The following NELL1 variants were observed in gnomAD, a reference collection of about 807,000 sequenced individuals.
NELL1 encodes protein kinase C-binding protein NELL1.
Under a neutral mutation model 107.4 loss-of-function variants are expected in NELL1, and 76 were observed. The observed-to-expected ratio is 0.71, with a 90% CI of 0.59 to 0.86. NELL1 has a LOEUF of 0.86. NELL1 is among the 40% of genes least tolerant of loss of function. The pLI is 0.00. For synonymous variants in NELL1, 353 were observed against 341.2 expected, an observed-to-expected ratio of 1.03 and a Z score of -0.38; for missense variants, 1,024 against 1,005.5, an observed-to-expected ratio of 1.02 and a Z score of -0.25.
intron 12 of NELL1, among the ~76,000 whole-genome samples, chr11:21,103,761 C>T (rs1200098311): frequency 2.6e-5 from 4 of 152,156 alleles, no homozygotes; most frequent in Non-Finnish European, 5.9e-5. Context: ...GAAAGACCAT[C>T]AATGTTTTAT....
At chr11:21,481,983 G>A (rs1217633508) in intron 15 of NELL1, among the ~76,000 whole-genome samples, 1 of 152,114 alleles carries the variant, frequency 6.6e-6, no homozygotes, top group East Asian at 1.9e-4. Flanking sequence ...CTAGATGGGT[G>A]ACCTTGAGCA....
chr11:20,902,406 TA>T (rs1183871572), intron 5 of NELL1, among the ~76,000 whole-genome samples: 3 of 152,014 alleles, frequency 2.0e-5, no homozygotes, highest in Non-Finnish European at 4.4e-5. Flanking sequence ...AAATGCAAAT[TA>T]AAACCATTAT....
At chr11:21,025,803 A>T (rs747905928) in intron 12 of NELL1, among the ~76,000 whole-genome samples, 1 of 152,138 alleles carries the variant, frequency 6.6e-6, no homozygotes, top group Non-Finnish European at 1.5e-5. Context: ...GCAAAATTTA[A>T]CATGTCCCAA....
intron 2 of NELL1, among the ~76,000 whole-genome samples, chr11:20,752,617 T>C (rs1856167248): frequency 6.6e-6 from 1 of 152,206 alleles, no homozygotes; most frequent in African/African-American, 2.4e-5. Flanking sequence ...TTTTTGCATC[T>C]GTTGAGAAAA....
chr11:20,839,695 T>C (rs1259472509), intron 3 of NELL1, among the ~76,000 whole-genome samples: 2 of 152,202 alleles, frequency 1.3e-5, no homozygotes, highest in Non-Finnish European at 2.9e-5. Flanking sequence ...CATTCACACA[T>C]GGATTGAATG....
intron 15 of NELL1, among the ~76,000 whole-genome samples, chr11:21,393,078 T>C (rs1003177242): frequency 6.6e-6 from 1 of 151,628 alleles, no homozygotes; most frequent in Non-Finnish European, 1.5e-5. Context: ...GAGCTTTCAA[T>C]GGTTTAAAAT....
intron 5 of NELL1, among the ~76,000 whole-genome samples, chr11:20,890,870 G>A (rs1247014644): frequency 2.0e-5 from 3 of 152,096 alleles, no homozygotes; most frequent in African/African-American, 4.8e-5. Context: ...TAAAAAGACC[G>A]AACCTACCAT....
intron 15 of NELL1, among the ~76,000 whole-genome samples, chr11:21,531,728 G>A (rs150860986): frequency 2.0e-5 from 3 of 152,326 alleles, no homozygotes; most frequent in African/African-American, 7.2e-5. Flanking sequence ...AGTTGATTCT[G>A]TAGTGAACTT....
intron 15 of NELL1, among the ~76,000 whole-genome samples, chr11:21,511,619 T>C (rs2133944947): frequency 6.6e-6 from 1 of 152,202 alleles, no homozygotes; most frequent in African/African-American, 2.4e-5. Context: ...TCAAAAATGG[T>C]GGTCAAAGAA....
chr11:21,420,376 A>C (rs753257864), intron 15 of NELL1, among the ~76,000 whole-genome samples: 1 of 152,182 alleles, frequency 6.6e-6, no homozygotes, highest in Non-Finnish European at 1.5e-5. Context: ...ATAGTAAAGG[A>C]GTTGTAAAAA....
At chr11:21,246,149 T>C (rs1858485639) in intron 14 of NELL1, among the ~76,000 whole-genome samples, 1 of 152,170 alleles carries the variant, frequency 6.6e-6, no homozygotes, top group Non-Finnish European at 1.5e-5. Context: ...TGTCAGGCAC[T>C]GGGCTAAGAA....
At chr11:21,187,539 C>T (rs1005763340) in intron 13 of NELL1, among the ~76,000 whole-genome samples, 18 of 151,888 alleles carry the variant, frequency 1.2e-4, no homozygotes, top group African/African-American at 4.1e-4. Context: ...TAATACCTCC[C>T]TTTCAAATTT....
At chr11:20,887,129 T>C (rs1849525293) in intron 5 of NELL1, among the ~76,000 whole-genome samples, 1 of 152,230 alleles carries the variant, frequency 6.6e-6, no homozygotes, top group Non-Finnish European at 1.5e-5. Flanking sequence ...CATAAGTTTC[T>C]ATGTTGAGAT....
intron 14 of NELL1, among the ~76,000 whole-genome samples, chr11:21,240,022 A>G (rs1361135098): frequency 1.3e-5 from 2 of 152,062 alleles, no homozygotes; most frequent in Admixed American, 6.6e-5. Context: ...ACCAATCTTC[A>G]TCATGCTTGC....
chr11:21,521,688 T>C (rs1361911026), intron 15 of NELL1, among the ~76,000 whole-genome samples: 1 of 152,160 alleles, frequency 6.6e-6, no homozygotes, highest in Non-Finnish European at 1.5e-5. Context: ...AGTTCTAGTG[T>C]TTTTCATAGA....
chr11:21,021,995 C>T (rs190203646), intron 12 of NELL1, among the ~76,000 whole-genome samples: 349 of 152,134 alleles, frequency 2.3e-3, no homozygotes, highest in Admixed American at 4.7e-3. Flanking sequence ...TGTTTAGCAT[C>T]ATCTTTGACC....
intron 3 of NELL1, among the ~76,000 whole-genome samples, chr11:20,832,172 C>T (rs773575480): frequency 2.0e-5 from 3 of 152,192 alleles, no homozygotes; most frequent in Non-Finnish European, 4.4e-5. Flanking sequence ...ACCGTTACCA[C>T]TTAGGCCCAT....
intron 13 of NELL1, among the ~76,000 whole-genome samples, chr11:21,184,533 G>A (rs944708689): frequency 2.0e-5 from 3 of 151,830 alleles, no homozygotes; most frequent in Non-Finnish European, 4.4e-5. Context: ...GCCTCCCAAA[G>A]TGCTGGGATT....
chr11:20,976,013 T>C (rs914967870), intron 12 of NELL1, among the ~76,000 whole-genome samples: 1 of 139,658 alleles, frequency 7.2e-6, no homozygotes, highest in African/African-American at 2.8e-5. Flanking sequence ...ATATACATTA[T>C]ATCTGTACAT....
Sources: allele counts gnomAD v4.1 joint callset (sites outside exome capture counted in the v4.1 genomes callset), GRCh38; gene constraint gnomAD v4.1.1; transcripts MANE v1.5; gene names NCBI Gene and HGNC (gene_info 2026-07-23, HGNC 2026-07-21).